NRXN1: variants seen among roughly 807,000 people sequenced by gnomAD.
NRXN1 encodes the protein neurexin-1.
Under a neutral mutation model 150.9 loss-of-function variants are expected in NRXN1, and 39 were observed. The ratio of observed to expected loss-of-function variants is 0.26; its 90% confidence interval spans 0.20 to 0.34. NRXN1 has a LOEUF of 0.34. Among genes scored for constraint, NRXN1 ranks in the 10% least tolerant of loss-of-function variants. NRXN1 has a pLI of 1.00. For missense variants in NRXN1, 1,815 were observed against 1,949.9 expected (o/e 0.93, Z 1.30); for synonymous variants, 924 against 757.0 (o/e 1.22, Z -3.62).
chr2:50,701,048 C>A (rs1368568455), intron 5 of NRXN1, among the ~76,000 whole-genome samples: 1 of 152,080 alleles, frequency 6.6e-6, no homozygotes, highest in Admixed American at 6.6e-5. Flanking sequence ...AAATTTAGTT[C>A]TAGTTAGACA....
intron 5 of NRXN1, among the ~76,000 whole-genome samples, chr2:50,907,936 C>T (rs77616456): frequency 2.3e-3 from 348 of 152,186 alleles, no homozygotes; most frequent in African/African-American, 8.2e-3. Flanking sequence ...TAATACACTA[C>T]AATGTCACTC....
chr2:50,951,961 A>ATT (rs1312943065), intron 2 of NRXN1, among the ~76,000 whole-genome samples: 2,173 of 82,284 alleles, frequency 0.026, 40 homozygotes, highest in Non-Finnish European at 0.032. Flanking sequence ...ATATATATAT[A>ATT]TATTTTTTTT....
chr2:50,191,830 C>G (rs534247380), intron 18 of NRXN1, among the ~76,000 whole-genome samples: 2 of 152,112 alleles, frequency 1.3e-5, no homozygotes, highest in Non-Finnish European at 2.9e-5. Context: ...GTGCATAACA[C>G]ATTTTAATAC....
intron 5 of NRXN1, among the ~76,000 whole-genome samples, chr2:50,648,166 G>T (rs1002243797): frequency 2.6e-5 from 4 of 151,568 alleles, no homozygotes; most frequent in African/African-American, 9.7e-5. Context: ...AACCATATTG[G>T]GATCTACAGA....
chr2:50,194,728 T>TA (rs775714450), intron 18 of NRXN1, among the ~76,000 whole-genome samples: 39 of 152,142 alleles, frequency 2.6e-4, no homozygotes, highest in Admixed American at 1.3e-4. Context: ...AGAATGGACT[T>TA]TTCTAAGATA....
intron 21 of NRXN1, among the ~76,000 whole-genome samples, chr2:49,967,406 TA>T (rs1301903652): frequency 1.3e-5 from 2 of 152,042 alleles, no homozygotes; most frequent in Non-Finnish European, 2.9e-5. Context: ...CATTCTCTTT[TA>T]AAAAATGATG....
chr2:50,070,667 G>A (rs1696130093), intron 19 of NRXN1, among the ~76,000 whole-genome samples: 1 of 151,114 alleles, frequency 6.6e-6, no homozygotes, highest in African/African-American at 2.4e-5. Flanking sequence ...CTACTCGGGA[G>A]GCTGAGGCAG....
At chr2:50,843,935 G>A (rs1164544484) in intron 5 of NRXN1, among the ~76,000 whole-genome samples, 1 of 151,956 alleles carries the variant, frequency 6.6e-6, no homozygotes, top group Non-Finnish European at 1.5e-5. Flanking sequence ...AAAAAGGTCA[G>A]CCTTAAACCA....
intron 15 of NRXN1, among the ~76,000 whole-genome samples, chr2:50,487,662 C>A (rs971156675): frequency 1.6e-4 from 25 of 152,154 alleles, no homozygotes; most frequent in Admixed American, 4.6e-4. Context: ...GTACAGTACC[C>A]GGGATGGAAG....
chr2:50,219,851 CTGT>C (rs1188699821), intron 18 of NRXN1, among the ~76,000 whole-genome samples: 7 of 144,576 alleles, frequency 4.8e-5, no homozygotes, highest in Admixed American at 2.1e-4. Context: ...AACCACACTA[CTGT>C]ACTCTAATGA....
chr2:50,245,453 A>C (rs2066410044), intron 17 of NRXN1, among the ~76,000 whole-genome samples: 1 of 151,974 alleles, frequency 6.6e-6, no homozygotes, highest in Non-Finnish European at 1.5e-5. Context: ...CTTTATTAAA[A>C]AGTCTCTGGC....
chr2:50,184,188 C>G (rs567206480), intron 18 of NRXN1, among the ~76,000 whole-genome samples: 1 of 152,120 alleles, frequency 6.6e-6, no homozygotes, highest in South Asian at 2.1e-4. Context: ...CTACCTTTTA[C>G]CCCATTATTT....
chr2:50,965,130 A>G lies in NRXN1; in HGVS notation c.773-39175T>C, dbSNP rs903211637. 2.0e-5 allele frequency among the ~76,000 whole-genome samples: 3 copies of G among 151,384 alleles called. No homozygotes were observed. The Admixed American group carries it at 2.0e-4, about 10-fold the overall frequency. ...TCTTCCCTCAAATACTATGAAACTTATAACATCACAATTGATTATATATAC... is the reference window on the plus strand; with the variant it reads ...TCTTCCCTCAAATACTATGAAACTTGTAACATCACAATTGATTATATATAC... On this transcript the variant is annotated intron_variant, in intron 2 of 22. Transcript: ENST00000401669.
At chr2:50,249,906 G>A (rs2066882799) in intron 17 of NRXN1, among the ~76,000 whole-genome samples, 1 of 151,986 alleles carries the variant, frequency 6.6e-6, no homozygotes, top group Admixed American at 6.6e-5. Context: ...CCAAAGTGTT[G>A]GGATTACAGG....
At position 50,168,206 on chromosome 2, in the gene NRXN1, AC is replaced by A. The variant is rs572148155; in HGVS notation, c.3546+68582del. On this transcript the variant is annotated intron_variant, in intron 18 of 22. Transcript: ENST00000401669. Reference sequence around the variant, plus strand: ...TGATGGACTGAGAGAGACATGGCAAACATTACAAGCATGCATTGCAAATACT... The same window carrying A: ...TGATGGACTGAGAGAGACATGGCAAAATTACAAGCATGCATTGCAAATACT... 8.7e-4 allele frequency among the ~76,000 whole-genome samples: 132 copies of A among 152,294 alleles called. 1 individual carries two copies. Among genetic ancestry groups the A allele is most frequent in the African/African-American group, 3.1e-3 (129 of 41,556 alleles).
At chr2:50,601,447 T>C (rs1559001586) in intron 8 of NRXN1, among the ~76,000 whole-genome samples, 1 of 152,218 alleles carries the variant, frequency 6.6e-6, no homozygotes, top group East Asian at 1.9e-4. Context: ...GAAATTCTGA[T>C]GAATTATGTC....
chr2:50,598,178 C>A (rs1269094550), intron 8 of NRXN1, among the ~76,000 whole-genome samples: 1 of 151,884 alleles, frequency 6.6e-6, no homozygotes, highest in African/African-American at 2.4e-5. Flanking sequence ...AATACCTCTA[C>A]CCGGTGAATT....
At chr2:49,934,141 T>C (rs1243053397) in intron 22 of NRXN1, among the ~76,000 whole-genome samples, 2 of 152,238 alleles carry the variant, frequency 1.3e-5, no homozygotes, top group Non-Finnish European at 2.9e-5. Context: ...GTTTTAGGTG[T>C]CATAAAATCA....
chr2:50,925,317 T>C (rs1212710528), intron 3 of NRXN1, among the ~76,000 whole-genome samples: 1 of 151,870 alleles, frequency 6.6e-6, no homozygotes, highest in Non-Finnish European at 1.5e-5. Flanking sequence ...TTGACAGAGA[T>C]AATTTTTTAT....
Sources: allele counts gnomAD v4.1 joint callset (sites outside exome capture counted in the v4.1 genomes callset), GRCh38; gene constraint gnomAD v4.1.1; transcripts MANE v1.5; gene names NCBI Gene and HGNC (gene_info 2026-07-23, HGNC 2026-07-21).